Variants in CCDC154 observed in about 807,000 individuals in gnomAD.
CCDC154 encodes coiled-coil domain-containing protein 154.
In CCDC154, 91 loss-of-function variants were observed where a neutral mutation model predicts 87.5. The observed-to-expected ratio is 1.04, with a 90% CI of 0.88 to 1.24. The LOEUF is 1.24. Ranked by LOEUF, CCDC154 falls within the 50% of genes most tolerant of loss-of-function variation. CCDC154 has a pLI of 0.00. For synonymous variants in CCDC154, 418 were observed against 400.4 expected (o/e 1.04, Z -0.52); for missense variants, 903 against 879.2 (o/e 1.03, Z -0.34).
chr16:1,436,954 G>A lies in CCDC154; in HGVS notation c.1291-143C>T, dbSNP rs533202876. 203 of 1,201,722 alleles carry A rather than the reference G, an allele frequency of 1.7e-4. 1 individual carries two copies. In the African/African-American group the frequency reaches 2.7e-3, roughly 16 times the overall value. 74.4% of individuals were successfully genotyped at this position (1,201,722 alleles called of 1,614,324 possible). A position where few individuals can be genotyped will look rare whatever the true frequency, so the allele number is the denominator to read the frequency against. On this transcript the variant is annotated intron_variant, in intron 11 of 16. Transcript: ENST00000389176. The stretch of plus-strand genomic sequence containing the variant: ...GACATTTGTGCACAGGCCTGCAGGC[G>A]GCTGGGATGGCCTGGCCGGGCACGC...
In CCDC154 at chr16:1,438,655, G is replaced by T; in HGVS notation, c.989C>A (p.Ser330Ter). 1.3e-6 allele frequency: 2 copies of T among 1,550,114 alleles called. No individual in the cohort carries two copies. Among genetic ancestry groups the T allele is most frequent in the Non-Finnish European group, 1.7e-6 (2 of 1,146,798 alleles). The change falls in exon 9 of 17, where the codon TCG becomes TAG. Residue 330 changes from serine to a stop codon, truncating the protein, a stop_gained. Coordinates refer to ENST00000389176, the MANE Select transcript of CCDC154 (RefSeq NM_001143980.3). LOFTEE classifies it high-confidence loss of function. ...LTKFVQQNQA[S>*]LNRVLLAEEK... ...CTCGGCCAGTAGGACACGGTTCAGC[G>T]ACGCCTGGTTCTGCTGCACAAACTT... is the stretch of plus-strand genomic sequence containing the variant.
In CCDC154 at chr16:1,437,819, C is replaced by T. The variant is rs2038515248; in HGVS notation, c.1288G>A (p.Glu430Lys). 7 of 1,529,512 alleles carry T rather than the reference C, an allele frequency of 4.6e-6. No homozygotes were observed. In the South Asian group the frequency reaches 4.8e-5, roughly 10 times the overall value. 94.7% of individuals were successfully genotyped at this position (1,529,512 alleles called of 1,614,324 possible). The change falls in exon 11 of 17, where the codon GAG becomes AAG. Residue 430 changes from glutamate (E) to lysine (K), a missense_variant and splice_region_variant. By Grantham distance (56) the Glu-to-Lys change is moderately conservative. Transcript: ENST00000389176. ...CCCCCGCCCGCTGCCTGGCGCACCT[C>T]GGACAGCCTGAGGCCCAGCATCTGC... ...QEQMLGLRLS[E>K]AKTEWEGAER...
intron 6 of CCDC154, 135 bp downstream of exon 6, chr16:1,442,271 C>T (rs2038558381): frequency 9.0e-7 from 1 of 1,112,406 alleles, no homozygotes; most frequent in East Asian, 2.8e-5. Flanking sequence ...TTTACATTGT[C>T]TACAACTATA....
intron 6 of CCDC154, among the ~76,000 whole-genome samples, chr16:1,440,419 C>T (rs1167618594): frequency 2.0e-5 from 3 of 150,678 alleles, no homozygotes; most frequent in Non-Finnish European, 3.0e-5. Flanking sequence ...CACTGCACTC[C>T]AGCCTGGGCA....
Position 1,438,148 on chromosome 16 carries a change from G to T in CCDC154, c.1054C>A (p.Arg352=). The T allele has an allele frequency of 6.5e-7, 1 of 1,546,210 alleles. No individual in the cohort carries two copies. The highest frequency in any genetic ancestry group is 8.7e-7 in the Non-Finnish European group (1 of 1,144,646). ...WDAKGRLEES[R]AGELAAYVQE... ...ACATAGGCGGCCAGCTCCCCAGCCC[G>T]GCTTTCCTCCAAGCGCCCCTTGGCG... The change falls in exon 10 of 17, where the codon CGG becomes AGG. Residue 352 remains arginine, a synonymous_variant. Coordinates refer to ENST00000389176, the MANE Select transcript of CCDC154 (RefSeq NM_001143980.3).
In CCDC154 at chr16:1,438,435, G is replaced by A. The variant is rs181697401; in HGVS notation, c.1025+184C>T. The stretch of plus-strand genomic sequence containing the variant: ...GTGCCCCAGGGAGGGCAGGCTGGGT[G>A]AGGGACAGGAGGCCCCACAGGAGGG... On this transcript the variant is annotated intron_variant, in intron 9 of 16. Coordinates refer to ENST00000389176, the MANE Select transcript of CCDC154 (RefSeq NM_001143980.3). 3,204 of 715,046 alleles carry A rather than the reference G, an allele frequency of 4.5e-3. 57 individuals are homozygous for A. The highest frequency in any genetic ancestry group is 0.02 in the East Asian group (735 of 36,222). The allele number at this position is 715,046 out of a possible 1,614,324, so 44.3% of individuals were successfully genotyped here. A position where few individuals can be genotyped will look rare whatever the true frequency, so the allele number is the denominator to read the frequency against.
chr16:1,444,207 C>A, intron 1 of CCDC154, 109 bp downstream of exon 1: 3 of 1,179,280 alleles, frequency 2.5e-6, no homozygotes, highest in South Asian at 1.4e-5. Flanking sequence ...CAGCACTGGG[C>A]GGCAGGAACA....
chr16:1,444,358 T>C lies in CCDC154; in HGVS notation c.-36A>G. The C allele has an allele frequency of 7.7e-7, 1 of 1,297,978 alleles. No individual in the cohort carries two copies. The highest frequency in any genetic ancestry group is 1.0e-6 in the Non-Finnish European group (1 of 988,102). The allele number at this position is 1,297,978 out of a possible 1,614,324, so 80.4% of individuals were successfully genotyped here. A position where few individuals can be genotyped will look rare whatever the true frequency, so the allele number is the denominator to read the frequency against. On this transcript the variant is annotated 5_prime_UTR_variant, in exon 1 of 17. Transcript: ENST00000389176. ...CTGCACCGGCCACCCTGCCCTCGGC[T>C]GTAGCTTGGGCCTTGGGGCCTCTGA...
chr16:1,439,232 A>G, intron 6 of CCDC154, 106 bp from the exon 7 acceptor site: 1 of 1,019,344 alleles, frequency 9.8e-7, no homozygotes, highest in Non-Finnish European at 1.4e-6. Flanking sequence ...GCTGTCCCCA[A>G]GCCCTGAGCC....
At chr16:1,437,700 A>G in intron 11 of CCDC154, 117 bp downstream of exon 11, 1 of 1,266,506 alleles carries the variant, frequency 7.9e-7, no homozygotes, top group Non-Finnish European at 1.1e-6. Context: ...GCTGGGTGGG[A>G]CGGGAGGCTT....
rs1475532241 is a variant in CCDC154 at position 1,442,537 on chromosome 16, A to C, written c.552-8T>G. ...TCGGTCAGCTTGGCCAGTCTAGAGA[A>C]GTCGGCTGTGGTCACACCAGCCCAG... On this transcript the variant is annotated splice_region_variant and splice_polypyrimidine_tract_variant and intron_variant, in intron 5 of 16. Coordinates refer to ENST00000389176, the MANE Select transcript of CCDC154 (RefSeq NM_001143980.3). 1 of 1,532,240 alleles carries C rather than the reference A, an allele frequency of 6.5e-7. No homozygotes were observed. Among genetic ancestry groups the C allele is most frequent in the South Asian group, 1.2e-5 (1 of 81,170 alleles). The allele number at this position is 1,532,240 out of a possible 1,614,324, so 94.9% of individuals were successfully genotyped here.
In CCDC154 at chr16:1,438,990, G is replaced by A. The variant is rs77488687; in HGVS notation, c.777+35C>T. ...AGCTGCAGGTCTGCGTCTGGGAAGG[G>A]GGGCAGGGCAGGCCAGCCGCGGGCA... On this transcript the variant is annotated intron_variant, in intron 7 of 16. Transcript: ENST00000389176. 4 of 1,549,702 alleles carry A rather than the reference G, an allele frequency of 2.6e-6. No individual in the cohort carries two copies. In the East Asian group the frequency reaches 7.3e-5, roughly 28 times the overall value.
chr16:1,440,926 A>G (rs2038546371), intron 6 of CCDC154, among the ~76,000 whole-genome samples: 2 of 150,890 alleles, frequency 1.3e-5, no homozygotes, highest in African/African-American at 4.9e-5. Flanking sequence ...ACTCCAGCCC[A>G]GGCAACAGAG....
chr16:1,443,918 C>T lies in CCDC154; in HGVS notation c.102G>A (p.Leu34=), dbSNP rs750771263. The change falls in exon 2 of 17, where the codon CTG becomes CTA. Residue 34 remains leucine, a synonymous_variant. Transcript: ENST00000389176. ...EDLGLLLAGG[L]ASPEPLSLEE... ...CCAGGCTCAAGGGCTCGGGGCTGGC[C>T]AGGCCTCCTGCCAGGAGGAGCCCCA... 6.4e-5 allele frequency: 84 copies of T among 1,303,928 alleles called. No homozygotes were observed. Among genetic ancestry groups the T allele is most frequent in the Non-Finnish European group, 7.9e-5 (78 of 988,946 alleles). The allele number at this position is 1,303,928 out of a possible 1,614,324, so 80.8% of individuals were successfully genotyped here. A position where few individuals can be genotyped will look rare whatever the true frequency, so the allele number is the denominator to read the frequency against.
intron 6 of CCDC154, among the ~76,000 whole-genome samples, chr16:1,441,153 C>T (rs551740656): frequency 3.5e-4 from 53 of 152,272 alleles, no homozygotes; most frequent in Middle Eastern, 6.8e-3. Flanking sequence ...GGCTTTGCTG[C>T]CTCTGGCCCT....
chr16:1,442,416 G>T lies in CCDC154; in HGVS notation c.665C>A (p.Ala222Asp). The T allele has an allele frequency of 6.5e-7, 1 of 1,548,524 alleles. No individual in the cohort carries two copies. ...DSSRRVDLEV[A>D]RMQAQVTKLG... ...TGGGCCTGGTGGTACCTGCATTCTG[G>T]CCACCTCCAGGTCCACCCTCCGGCT... Residue 222 changes from alanine to aspartate, a missense_variant, in exon 6 of 17, where the codon GCC becomes GAC. Physicochemically the swap from Ala to Asp is moderately radical, Grantham distance 126. Transcript: ENST00000389176.
Position 1,437,876 on chromosome 16 carries a change from G to T in CCDC154, c.1231C>A (p.Pro411Thr). The T allele has an allele frequency of 1.3e-6, 2 of 1,544,986 alleles. No homozygotes were observed. Among genetic ancestry groups the T allele is most frequent in the Non-Finnish European group, 1.7e-6 (2 of 1,146,488 alleles). Residue 411 changes from proline to threonine, a missense_variant, in exon 11 of 17, where the codon CCG becomes ACG. Pro to Thr is a conservative substitution (Grantham distance 38, BLOSUM62 -1). Transcript: ENST00000389176. ...AGATCGAGCCGGCTGCTCAGAGCCG[G>T]GAGATGGCCACTCAGCTCCTTTAAC... Reference protein sequence around the residue: ...GQLKELSGHLPALSSRLDLQE... With the variant: ...GQLKELSGHLTALSSRLDLQE...
At chr16:1,436,369 A>G in intron 13 of CCDC154, 76 bp downstream of exon 13, 7 of 1,229,910 alleles carry the variant, frequency 5.7e-6, no homozygotes, top group Non-Finnish European at 8.1e-6. Flanking sequence ...GATTGTGGAG[A>G]GTAGCGTGGG....
At chr16:1,435,374 G>C (rs958779385) in intron 14 of CCDC154, 199 bp from the exon 15 acceptor site, 3 of 609,828 alleles carry the variant, frequency 4.9e-6, no homozygotes, top group South Asian at 1.9e-5. Flanking sequence ...GCCCTGCGGG[G>C]ACCTGGCCAG....
Sources: gnomAD v4.1 joint callset for allele counts (sites outside exome capture counted in the v4.1 genomes callset) on GRCh38, gnomAD v4.1.1 for gene constraint, MANE v1.5 for transcripts, NCBI Gene and HGNC (gene_info 2026-07-23, HGNC 2026-07-21) for gene names.